KCNAB1: variants seen among roughly 807,000 people sequenced by gnomAD.
KCNAB1 encodes potassium voltage-gated channel subfamily A regulatory beta subunit 1.
In KCNAB1, 35 loss-of-function variants were observed where a neutral mutation model predicts 64.6. The ratio of observed to expected loss-of-function variants is 0.54; its 90% CI spans 0.41 to 0.72. The LOEUF (loss-of-function observed/expected upper bound fraction) is 0.72, where lower values mean the gene tolerates loss of function less well. KCNAB1 is among the 30% of genes least tolerant of loss of function. The probability of loss-of-function intolerance (pLI) is 0.00; values close to 1 mark genes in which losing one functional copy is unlikely to be tolerated. For missense variants in KCNAB1, 401 were observed against 512.9 expected, an observed-to-expected ratio of 0.78 and a Z score of 2.11; for synonymous variants, 177 against 183.8, an observed-to-expected ratio of 0.96 and a Z score of 0.30.
intron 1 of KCNAB1, among the ~76,000 whole-genome samples, chr3:156,286,734 T>A (rs1720117342): frequency 6.6e-6 from 1 of 152,214 alleles, no homozygotes; most frequent in Non-Finnish European, 1.5e-5. Flanking sequence ...TATAAAAATA[T>A]CGGGGTTTCT....
At chr3:156,416,700 C>T (rs1259872211) in intron 1 of KCNAB1, among the ~76,000 whole-genome samples, 1 of 152,204 alleles carries the variant, frequency 6.6e-6, no homozygotes. Context: ...GGCTCACAGC[C>T]TAGTCTGAGG....
At chr3:156,376,148 C>T (rs1294650615) in intron 1 of KCNAB1, among the ~76,000 whole-genome samples, 2 of 152,326 alleles carry the variant, frequency 1.3e-5, no homozygotes, top group South Asian at 2.1e-4. Context: ...CAGTTATTAA[C>T]TGAACATCTA....
At chr3:156,356,182 A>AAAAG (rs111752794) in intron 1 of KCNAB1, among the ~76,000 whole-genome samples, 13,151 of 150,772 alleles carry the variant, frequency 0.087, 1,902 homozygotes, top group African/African-American at 0.3. Flanking sequence ...GAAAAAAAGA[A>AAAAG]AAAGAAAGAA....
chr3:156,400,273 A>G (rs963654596), intron 1 of KCNAB1, among the ~76,000 whole-genome samples: 1 of 152,160 alleles, frequency 6.6e-6, no homozygotes, highest in Admixed American at 6.5e-5. Flanking sequence ...ATGTGTTTGG[A>G]GCCTGTAAAA....
At chr3:156,167,957 C>A (rs187618957) in intron 1 of KCNAB1, among the ~76,000 whole-genome samples, 140 of 152,254 alleles carry the variant, frequency 9.2e-4, no homozygotes, top group Non-Finnish European at 1.4e-3. Flanking sequence ...AATCCTAGCA[C>A]CTTGGGAGGC....
intron 1 of KCNAB1, among the ~76,000 whole-genome samples, chr3:156,125,275 T>C (rs4261831): frequency 0.51 from 78,227 of 152,066 alleles, 22,068 homozygotes; most frequent in East Asian, 0.7. Flanking sequence ...TTAAGGCCTA[T>C]GAAGAAAATT....
At chr3:156,240,924 GGAGCTTAATTC>G (rs80029908) in intron 1 of KCNAB1, among the ~76,000 whole-genome samples, 8,128 of 152,278 alleles carry the variant, frequency 0.053, 246 homozygotes, top group East Asian at 0.11. Context: ...ATGGGTAATT[GGAGCTTAATTC>G]TGTGAGGGAA....
intron 1 of KCNAB1, among the ~76,000 whole-genome samples, chr3:156,304,139 G>C (rs1056720673): frequency 1.3e-5 from 2 of 152,162 alleles, no homozygotes; most frequent in Non-Finnish European, 2.9e-5. Flanking sequence ...CATTTTGCTT[G>C]TTAGTATTCA....
intron 1 of KCNAB1, among the ~76,000 whole-genome samples, chr3:156,159,822 G>C (rs1305292482): frequency 6.6e-6 from 1 of 152,092 alleles, no homozygotes; most frequent in Non-Finnish European, 1.5e-5. Context: ...TTTTCTCTTT[G>C]CACAATAGAA....
chr3:156,296,115 G>A (rs915074091), intron 1 of KCNAB1, among the ~76,000 whole-genome samples: 2 of 152,088 alleles, frequency 1.3e-5, no homozygotes, highest in African/African-American at 4.8e-5. Context: ...TTAGTTTGGT[G>A]TACACTCTAC....
rs577205496 is a variant in KCNAB1 at position 156,413,125 on chromosome 3, C to A, written c.276-8491C>A. 1.6e-4 allele frequency among the ~76,000 whole-genome samples: 24 copies of A among 152,274 alleles called. 1 individual carries two copies. The South Asian group carries it at 4.4e-3, about 28-fold the overall frequency. On this transcript the variant is annotated intron_variant, in intron 1 of 13. Coordinates refer to ENST00000490337, the MANE Select transcript of KCNAB1 (RefSeq NM_172160.3). The stretch of plus-strand genomic sequence containing the variant: ...ACTTGGGACCTGGGACTTGGCCCTT[C>A]CATTGGAACAGTGACTACAGTTAAC...
chr3:156,171,194 T>TACACACACACACACAC (rs779486541), intron 1 of KCNAB1, among the ~76,000 whole-genome samples: 107 of 147,712 alleles, frequency 7.2e-4, no homozygotes, highest in African/African-American at 2.5e-3. Flanking sequence ...CACGCACACA[T>TACACACACACACACAC]ACACACACAC....
chr3:156,285,392 T>G (rs1433876056), intron 1 of KCNAB1, among the ~76,000 whole-genome samples: 1 of 152,190 alleles, frequency 6.6e-6, no homozygotes, highest in Non-Finnish European at 1.5e-5. Flanking sequence ...AAAAATAAAC[T>G]GACCATGTGT....
intron 1 of KCNAB1, among the ~76,000 whole-genome samples, chr3:156,218,333 C>T (rs1414590350): frequency 6.6e-6 from 1 of 152,202 alleles, no homozygotes; most frequent in Non-Finnish European, 1.5e-5. Flanking sequence ...ACAGCAGCCA[C>T]AGCAAGCCCT....
chr3:156,138,155 G>A (rs933768448), intron 1 of KCNAB1, among the ~76,000 whole-genome samples: 2 of 152,146 alleles, frequency 1.3e-5, no homozygotes, highest in Admixed American at 6.5e-5. Flanking sequence ...TAGACCCCAA[G>A]GTAGCTCTGG....
intron 2 of KCNAB1, among the ~76,000 whole-genome samples, chr3:156,435,467 C>T (rs912902005): frequency 6.6e-6 from 1 of 152,192 alleles, no homozygotes; most frequent in Admixed American, 6.5e-5. Context: ...CTCAGCACCT[C>T]GGTTATAGGT....
intron 1 of KCNAB1, among the ~76,000 whole-genome samples, chr3:156,142,491 C>T (rs560764871): frequency 1.3e-5 from 2 of 152,328 alleles, no homozygotes; most frequent in South Asian, 4.2e-4. Flanking sequence ...CTTTGCCTCG[C>T]TTATGGATAT....
intron 2 of KCNAB1, among the ~76,000 whole-genome samples, chr3:156,432,598 G>C (rs892695699): frequency 6.6e-6 from 1 of 152,150 alleles, no homozygotes; most frequent in South Asian, 2.1e-4. Flanking sequence ...TGGAGCTGAC[G>C]GTCTAACCAT....
At chr3:156,285,882 A>G (rs1305917594) in intron 1 of KCNAB1, among the ~76,000 whole-genome samples, 3 of 152,246 alleles carry the variant, frequency 2.0e-5, no homozygotes, top group African/African-American at 7.2e-5. Flanking sequence ...TTATGTAAAT[A>G]TCAGAGGTCT....
Sources: gnomAD v4.1 joint callset for allele counts (sites outside exome capture counted in the v4.1 genomes callset) on GRCh38, gnomAD v4.1.1 for gene constraint, MANE v1.5 for transcripts, NCBI Gene and HGNC (gene_info 2026-07-23, HGNC 2026-07-21) for gene names.